RC3H1: variants seen among roughly 807,000 people sequenced by gnomAD.
The protein encoded by RC3H1 is ring finger and CCCH-type domains 1, also known as roquin-1.
In RC3H1, 50 loss-of-function variants were observed where a neutral mutation model predicts 138.2. The ratio of observed to expected loss-of-function variants is 0.36; its 90% confidence interval spans 0.29 to 0.46. The LOEUF is 0.46. Among genes scored for constraint, RC3H1 ranks in the 20% least tolerant of loss-of-function variants. RC3H1 has a pLI of 1.00. For missense variants in RC3H1, 1,031 were observed against 1,388.1 expected, an observed-to-expected ratio of 0.74 and a Z score of 4.09; for synonymous variants, 462 against 489.1, an observed-to-expected ratio of 0.94 and a Z score of 0.73.
chr1:173,967,307 A>G (rs1660164113), intron 9 of RC3H1, among the ~76,000 whole-genome samples: 1 of 152,106 alleles, frequency 6.6e-6, no homozygotes, highest in Admixed American at 6.5e-5. Flanking sequence ...GAGACAGAGT[A>G]AGACCCTGTC....
At chr1:174,021,194 C>T (rs1661950510) in intron 1 of RC3H1, among the ~76,000 whole-genome samples, 1 of 152,146 alleles carries the variant, frequency 6.6e-6, no homozygotes, top group Non-Finnish European at 1.5e-5. Context: ...GCTTCTTATA[C>T]TGCATGTTAG....
At chr1:173,999,944 C>A (rs976863349) in intron 1 of RC3H1, among the ~76,000 whole-genome samples, 5 of 152,146 alleles carry the variant, frequency 3.3e-5, no homozygotes, top group African/African-American at 1.2e-4. Flanking sequence ...AACTCCCAGG[C>A]TGGTACTTTG....
intron 1 of RC3H1, among the ~76,000 whole-genome samples, chr1:174,003,385 T>TCTCACACA (rs149830389): frequency 2.8e-5 from 4 of 143,224 alleles, no homozygotes; most frequent in African/African-American, 1.0e-4. Context: ...AAGACTCCTA[T>TCTCACACA]CACACACACA....
chr1:173,994,145 G>A (rs1401125145), intron 1 of RC3H1, among the ~76,000 whole-genome samples: 3 of 150,628 alleles, frequency 2.0e-5, no homozygotes, highest in Non-Finnish European at 4.4e-5. Context: ...TAATCCCAGC[G>A]CTTTGGGAGG....
chr1:174,006,447 G>C (rs1386449733), intron 1 of RC3H1, among the ~76,000 whole-genome samples: 1 of 152,054 alleles, frequency 6.6e-6, no homozygotes, highest in Admixed American at 6.6e-5. Flanking sequence ...CTACTTTACT[G>C]ATGAAGGAAG....
At chr1:173,954,722 G>A (rs937578182) in intron 13 of RC3H1, among the ~76,000 whole-genome samples, 3 of 151,930 alleles carry the variant, frequency 2.0e-5, no homozygotes, top group African/African-American at 7.3e-5. Context: ...AATTTGGACG[G>A]GGCATGGTGG....
chr1:173,984,452 T>TA (rs1315979413), intron 3 of RC3H1, 47 bp downstream of exon 3: 4 of 1,588,908 alleles, frequency 2.5e-6, no homozygotes, highest in Admixed American at 1.8e-5. Flanking sequence ...ACTGAGTATT[T>TA]AAAAAAGCAG....
At chr1:173,972,244 G>C (rs2102973297) in intron 8 of RC3H1, among the ~76,000 whole-genome samples, 1 of 152,244 alleles carries the variant, frequency 6.6e-6, no homozygotes, top group African/African-American at 2.4e-5. Context: ...ATCAAATGCT[G>C]CCATATCCAA....
chr1:173,943,256 C>A (rs185255823), intron 18 of RC3H1, among the ~76,000 whole-genome samples, 186 bp downstream of exon 18: 1 of 152,172 alleles, frequency 6.6e-6, no homozygotes, highest in Admixed American at 6.6e-5. Context: ...AAGAACACAC[C>A]CAAACCAAGA....
intron 5 of RC3H1, among the ~76,000 whole-genome samples, chr1:173,981,685 T>C (rs1344118123): frequency 6.6e-6 from 1 of 152,170 alleles, no homozygotes; most frequent in African/African-American, 2.4e-5. Flanking sequence ...CTAAAAATGA[T>C]TTAATTTGTA....
intron 1 of RC3H1, among the ~76,000 whole-genome samples, chr1:174,013,441 AT>A (rs1201250294): frequency 1.3e-5 from 2 of 151,402 alleles, no homozygotes; most frequent in African/African-American, 4.8e-5. Flanking sequence ...TATTATTATT[AT>A]TATATATATA....
rs193295190 is a variant in RC3H1, at chr1:173,957,398, G to A, written c.2370+3679C>T. On this transcript the variant is annotated intron_variant, in intron 13 of 19. Transcript: ENST00000367696. ...AGATCACACAGTGAAGGACACAACT[G>A]AACCTCAAAGTTTAGAATGTTTGAT... is the stretch of plus-strand genomic sequence containing the variant. Among the ~76,000 whole-genome samples the A allele has an allele frequency of 5.8e-4, 89 of 152,202 alleles. 1 individual carries two copies. Among genetic ancestry groups the A allele is most frequent in the African/African-American group, 2.1e-3 (88 of 41,540 alleles).
chr1:174,005,449 A>G (rs1661636603), intron 1 of RC3H1, among the ~76,000 whole-genome samples: 1 of 152,232 alleles, frequency 6.6e-6, no homozygotes, highest in African/African-American at 2.4e-5. Context: ...AGATAGTTTT[A>G]CATATATAAA....
At chr1:174,019,682 A>T (rs1188654825) in intron 1 of RC3H1, among the ~76,000 whole-genome samples, 6 of 152,162 alleles carry the variant, frequency 3.9e-5, no homozygotes, top group Non-Finnish European at 7.4e-5. Context: ...TGGTTCCAAA[A>T]CTTCTTAGAA....
intron 1 of RC3H1, among the ~76,000 whole-genome samples, chr1:174,012,795 AAAG>A (rs1371807942): frequency 1.8e-4 from 26 of 144,358 alleles, no homozygotes; most frequent in African/African-American, 7.5e-4. Flanking sequence ...AAAAAAAAAA[AAAG>A]AAAAGAAAAG....
chr1:174,001,003 TA>T (rs1010165532), intron 1 of RC3H1, among the ~76,000 whole-genome samples: 19 of 152,158 alleles, frequency 1.2e-4, no homozygotes, highest in Non-Finnish European at 1.5e-5. Flanking sequence ...TGGATGTAAA[TA>T]ATTTAATATG....
At chr1:173,944,174 CA>C (rs201962234) in intron 17 of RC3H1, among the ~76,000 whole-genome samples, 5,719 of 57,550 alleles carry the variant, frequency 0.099, 297 homozygotes, top group African/African-American at 0.26. Context: ...CTTTGTCTCT[CA>C]AAAAAAAAAA....
chr1:173,964,234 T>C (rs751525570), intron 10 of RC3H1, 47 bp from the exon 11 acceptor site: 1 of 1,402,938 alleles, frequency 7.1e-7, no homozygotes, highest in African/African-American at 1.4e-5. Context: ...ACTTCTCATG[T>C]GCATAAATTG....
At chr1:173,943,187 A>C (rs1415613114) in intron 18 of RC3H1, among the ~76,000 whole-genome samples, 1 of 152,232 alleles carries the variant, frequency 6.6e-6, no homozygotes, top group Non-Finnish European at 1.5e-5. Flanking sequence ...TTAAGTTCTT[A>C]AATTACAGAA....
Sources: gnomAD v4.1 joint callset for allele counts (sites outside exome capture counted in the v4.1 genomes callset) on GRCh38, gnomAD v4.1.1 for gene constraint, MANE v1.5 for transcripts, NCBI Gene and HGNC (gene_info 2026-07-23, HGNC 2026-07-21) for gene names.